Variants in WWOX observed in about 807,000 individuals in gnomAD.
The protein encoded by WWOX is WW domain-containing oxidoreductase.
WWOX carries 69 observed loss-of-function variants against 46.2 expected under a neutral mutation model. The ratio of observed to expected loss-of-function variants is 1.49; its 90% CI spans 1.23 to 1.82. The LOEUF is 1.82. Among genes scored for constraint, WWOX ranks in the 40% most tolerant of loss-of-function variants. The pLI, the probability that WWOX is intolerant of heterozygous loss-of-function variation, is 0.00. For missense variants in WWOX, 919 were observed against 542.6 expected, an observed-to-expected ratio of 1.69 and a Z score of -6.89; for synonymous variants, 359 against 202.6, an observed-to-expected ratio of 1.77 and a Z score of -6.56.
At chr16:78,471,470 A>C (rs991024765) in intron 8 of WWOX, among the ~76,000 whole-genome samples, 1 of 152,230 alleles carries the variant, frequency 6.6e-6, no homozygotes, top group Non-Finnish European at 1.5e-5. Flanking sequence ...TCATAGGAAG[A>C]CGTTCTCCAT....
chr16:78,437,932 G>C (rs1055429193), intron 8 of WWOX, among the ~76,000 whole-genome samples: 1 of 152,106 alleles, frequency 6.6e-6, no homozygotes, highest in African/African-American at 2.4e-5. Context: ...TTTCGAGTTG[G>C]TGAAAAAATG....
chr16:78,936,675 A>C (rs1001464623), intron 8 of WWOX, among the ~76,000 whole-genome samples: 1 of 152,138 alleles, frequency 6.6e-6, no homozygotes, highest in Non-Finnish European at 1.5e-5. Flanking sequence ...TTGGAAAGCA[A>C]CGTACCCTAG....
chr16:78,930,351 C>T (rs559926925), intron 8 of WWOX, among the ~76,000 whole-genome samples: 1 of 150,346 alleles, frequency 6.7e-6, no homozygotes, highest in African/African-American at 2.5e-5. Flanking sequence ...ATTCATGGCT[C>T]ACTGCAGCCT....
At chr16:78,874,333 T>A (rs2044190603) in intron 8 of WWOX, among the ~76,000 whole-genome samples, 1 of 151,242 alleles carries the variant, frequency 6.6e-6, no homozygotes, top group Non-Finnish European at 1.5e-5. Context: ...GAGAGCTGCA[T>A]CCTGAACAGA....
rs920912272 is a variant in WWOX, at chr16:79,026,552, C to G, written c.1057-185056C>G. 7.3e-5 allele frequency among the ~76,000 whole-genome samples: 11 copies of G among 150,790 alleles called. 1 individual carries two copies. Among genetic ancestry groups the G allele is most frequent in the African/African-American group, 2.5e-4 (10 of 40,594 alleles). ...GATCTCTATCTAGAAAGAATCATGCCTGCTTTTCTGCACTCTCCTGCCTCT... is the reference window on the plus strand; with the variant it reads ...GATCTCTATCTAGAAAGAATCATGCGTGCTTTTCTGCACTCTCCTGCCTCT... On this transcript the variant is annotated intron_variant, in intron 8 of 8. Coordinates refer to ENST00000566780, the MANE Select transcript of WWOX (RefSeq NM_016373.4).
intron 8 of WWOX, among the ~76,000 whole-genome samples, chr16:78,827,582 C>A (rs1240970993): frequency 6.6e-6 from 1 of 151,992 alleles, no homozygotes; most frequent in African/African-American, 2.4e-5. Flanking sequence ...CCTGTAATCC[C>A]AGCACTTTGG....
intron 5 of WWOX, among the ~76,000 whole-genome samples, chr16:78,177,645 T>C (rs2035393336): frequency 6.6e-6 from 1 of 152,190 alleles, no homozygotes; most frequent in Admixed American, 6.5e-5. Flanking sequence ...GGCCAGATCA[T>C]TCGGGGCCTT....
chr16:78,458,424 T>C (rs1176733544), intron 8 of WWOX, among the ~76,000 whole-genome samples: 1 of 151,940 alleles, frequency 6.6e-6, no homozygotes, highest in African/African-American at 2.4e-5. Flanking sequence ...CATGTTCGGC[T>C]AATGTTTTTA....
intron 8 of WWOX, among the ~76,000 whole-genome samples, chr16:79,028,986 C>T (rs1246341146): frequency 6.6e-6 from 1 of 151,812 alleles, no homozygotes; most frequent in African/African-American, 2.4e-5. Context: ...GGAGAACACT[C>T]TCCATGTCTT....
At chr16:78,735,771 G>GCCCCTGC (rs2049077163) in intron 8 of WWOX, among the ~76,000 whole-genome samples, 1 of 152,138 alleles carries the variant, frequency 6.6e-6, no homozygotes, top group Non-Finnish European at 1.5e-5. Flanking sequence ...TTGACTGAAG[G>GCCCCTGC]CCCCTGCCCC....
chr16:78,784,539 C>T (rs1176511199), intron 8 of WWOX, among the ~76,000 whole-genome samples: 3 of 151,822 alleles, frequency 2.0e-5, no homozygotes, highest in Non-Finnish European at 2.9e-5. Context: ...TCTCTCTGAG[C>T]TCAGTCTCCT....
chr16:78,170,507 A>G (rs756750479), intron 5 of WWOX, among the ~76,000 whole-genome samples: 6 of 152,168 alleles, frequency 3.9e-5, no homozygotes, highest in Non-Finnish European at 8.8e-5. Context: ...AACCTCTCCA[A>G]CTGGCTGAAA....
intron 8 of WWOX, 35 bp from the exon 9 acceptor site, chr16:79,211,572 TA>T: frequency 6.2e-7 from 1 of 1,614,036 alleles, no homozygotes; most frequent in South Asian, 1.1e-5. Flanking sequence ...CTCCTTTTCT[TA>T]AAATTTTTTT....
chr16:79,158,502 A>AAGTCTAC (rs34681539), intron 8 of WWOX, among the ~76,000 whole-genome samples: 37,857 of 151,720 alleles, frequency 0.25, 8,230 homozygotes, highest in African/African-American at 0.59. Flanking sequence ...TTACAAATAC[A>AAGTCTAC]ACTCCTTATC....
At chr16:78,719,809 C>T (rs1450821092) in intron 8 of WWOX, among the ~76,000 whole-genome samples, 2 of 152,242 alleles carry the variant, frequency 1.3e-5, no homozygotes, top group Non-Finnish European at 2.9e-5. Context: ...CTTATTATAA[C>T]AAACACCAAT....
At chr16:79,119,709 A>T (rs749152636) in intron 8 of WWOX, among the ~76,000 whole-genome samples, 2 of 152,088 alleles carry the variant, frequency 1.3e-5, no homozygotes, top group African/African-American at 4.8e-5. Context: ...CTCCCTCTGT[A>T]CCCTTCTCTG....
chr16:78,396,790 G>C (rs567375504), intron 6 of WWOX, among the ~76,000 whole-genome samples: 1 of 152,288 alleles, frequency 6.6e-6, no homozygotes, highest in African/African-American at 2.4e-5. Flanking sequence ...ATACATTGTT[G>C]AGTGTTACAT....
chr16:78,496,486 C>A (rs537540637), intron 8 of WWOX: 2 of 152,178 alleles, frequency 1.3e-5, no homozygotes, highest in African/African-American at 4.8e-5. Flanking sequence ...GTTGGCATTG[C>A]GTGGCTGTTT....
chr16:78,804,535 A>C (rs548802197), intron 8 of WWOX, among the ~76,000 whole-genome samples: 1 of 152,332 alleles, frequency 6.6e-6, no homozygotes, highest in South Asian at 2.1e-4. Context: ...TGTGGCTCTC[A>C]TTTGGAGCCT....
Sources: gnomAD v4.1 joint callset for allele counts (sites outside exome capture counted in the v4.1 genomes callset) on GRCh38, gnomAD v4.1.1 for gene constraint, MANE v1.5 for transcripts, NCBI Gene and HGNC (gene_info 2026-07-23, HGNC 2026-07-21) for gene names.